The following PCDH15 variants were observed in gnomAD, a reference collection of about 807,000 sequenced individuals.
The protein encoded by PCDH15 is protocadherin related 15.
A neutral mutation model predicts 178.5 loss-of-function variants in PCDH15; 129 were observed. That is an observed-to-expected ratio of 0.72 (90% confidence interval 0.63 to 0.84). The LOEUF is 0.84. Ranked by LOEUF, PCDH15 falls within the 40% of genes least tolerant of loss-of-function variation. The pLI, the probability that PCDH15 is intolerant of heterozygous loss-of-function variation, is 0.00. For missense variants in PCDH15, 2,230 were observed against 2,099.9 expected (o/e 1.06, Z -1.21); for synonymous variants, 800 against 732.0 (o/e 1.09, Z -1.50).
At chr10:54,775,946 T>A (rs1050912573) in intron 1 of PCDH15, among the ~76,000 whole-genome samples, 1 of 152,134 alleles carries the variant, frequency 6.6e-6, no homozygotes, top group Non-Finnish European at 1.5e-5. Flanking sequence ...CCCTCTAACC[T>A]TTCCAGCCTG....
chr10:54,775,518 G>T (rs1949590253), intron 1 of PCDH15, among the ~76,000 whole-genome samples: 1 of 152,074 alleles, frequency 6.6e-6, no homozygotes, highest in African/African-American at 2.4e-5. Flanking sequence ...TTTAAAAATA[G>T]ATATTATTGT....
chr10:55,520,976 C>T (rs956202097), intron 2 of PCDH15, among the ~76,000 whole-genome samples: 3 of 151,850 alleles, frequency 2.0e-5, no homozygotes, highest in Non-Finnish European at 4.4e-5. Context: ...AAGATCTACT[C>T]TCAGCAAATT....
intron 26 of PCDH15, among the ~76,000 whole-genome samples, chr10:53,888,664 G>GAT (rs59914675): frequency 0.049 from 825 of 16,858 alleles, 61 homozygotes; most frequent in Non-Finnish European, 0.1. Flanking sequence ...AGTTAAGTTT[G>GAT]ATATATATAT....
chr10:55,188,279 C>T (rs1219916375), intron 1 of PCDH15, among the ~76,000 whole-genome samples: 4 of 151,626 alleles, frequency 2.6e-5, no homozygotes, highest in South Asian at 2.1e-4. Context: ...AATTTTCTCA[C>T]GCTTTCTATT....
chr10:53,938,824 G>A lies in PCDH15; in HGVS notation c.3364C>T (p.Pro1122Ser). 5.0e-6 allele frequency: 8 copies of A among 1,613,018 alleles called. No individual in the cohort carries two copies. The highest frequency in any genetic ancestry group is 6.8e-6 in the Non-Finnish European group (8 of 1,179,522). The change falls in exon 25 of 38, where the codon CCT becomes TCT. Residue 1122 changes from proline to serine, a missense_variant. Transcript: ENST00000644397. ...LEVVLANLRV[P>S]SKSNTAKVYI... ...AAGTAGTATAACTTACTTTTTGAAGGAACTCGGAGATTGGCAAGGACCACT... is the reference window on the plus strand; with the variant it reads ...AAGTAGTATAACTTACTTTTTGAAGAAACTCGGAGATTGGCAAGGACCACT...
intron 21 of PCDH15, among the ~76,000 whole-genome samples, chr10:53,972,327 T>C (rs1425156658): frequency 6.6e-6 from 1 of 151,872 alleles, no homozygotes. Flanking sequence ...CCTAAAACCA[T>C]AAAAACTCTA....
chr10:55,023,398 A>C (rs1382912475), intron 2 of PCDH15, among the ~76,000 whole-genome samples: 2 of 152,260 alleles, frequency 1.3e-5, no homozygotes, highest in African/African-American at 4.8e-5. Context: ...GTAGAAAAAC[A>C]TTTTAATATT....
chr10:55,206,610 A>T (rs1840410098), intron 1 of PCDH15, among the ~76,000 whole-genome samples: 3 of 152,160 alleles, frequency 2.0e-5, no homozygotes, highest in Admixed American at 2.0e-4. Flanking sequence ...TTAACATCAC[A>T]TAATGCTATA....
At chr10:55,333,247 C>T (rs1001583700) in intron 2 of PCDH15, among the ~76,000 whole-genome samples, 12 of 152,030 alleles carry the variant, frequency 7.9e-5, no homozygotes, top group Non-Finnish European at 1.5e-4. Flanking sequence ...TTTCTATAAA[C>T]AAACAAATGA....
At chr10:54,493,201 G>A (rs912972656) in intron 3 of PCDH15, among the ~76,000 whole-genome samples, 1 of 152,010 alleles carries the variant, frequency 6.6e-6, no homozygotes, top group African/African-American at 2.4e-5. Flanking sequence ...TAGGAAAAAT[G>A]TAGTATAAAT....
At chr10:55,270,055 G>C (rs1472205676) in intron 1 of PCDH15, among the ~76,000 whole-genome samples, 1 of 152,106 alleles carries the variant, frequency 6.6e-6, no homozygotes, top group African/African-American at 2.4e-5. Flanking sequence ...TCAATAAATG[G>C]TCCTGGGTTA....
At chr10:55,154,637 C>T (rs778665034) in intron 2 of PCDH15, among the ~76,000 whole-genome samples, 5 of 152,126 alleles carry the variant, frequency 3.3e-5, no homozygotes, top group Non-Finnish European at 5.9e-5. Context: ...AGGCAGCATT[C>T]AGGGATTCCC....
chr10:53,988,363 G>A (rs1015774168), intron 21 of PCDH15, among the ~76,000 whole-genome samples: 18 of 152,042 alleles, frequency 1.2e-4, no homozygotes, highest in African/African-American at 4.3e-4. Flanking sequence ...GATGGGGGAG[G>A]GTGTGGGTGC....
intron 3 of PCDH15, among the ~76,000 whole-genome samples, chr10:54,815,805 G>T (rs905447060): frequency 2.6e-5 from 4 of 152,034 alleles, no homozygotes; most frequent in African/African-American, 4.8e-5. Flanking sequence ...GATTCATCTT[G>T]CAAACAGATG....
At chr10:55,501,982 T>C (rs567529065) in intron 2 of PCDH15, among the ~76,000 whole-genome samples, 243 of 151,892 alleles carry the variant, frequency 1.6e-3, no homozygotes, top group Non-Finnish European at 2.4e-3. Flanking sequence ...TTTTTTCTTA[T>C]GTAATTTCTT....
rs114308390 is a variant in PCDH15, at chr10:55,068,317, G to A, written c.-80+98259C>T. ...GGGGTCTAGTTTTATTCTTCTGCAT[G>A]TAGTTATCCAGCTTTCCAAGATAAA... On this transcript the variant is annotated intron_variant, in intron 2 of 5. Coordinates refer to the PCDH15 transcript ENST00000458638. Among the ~76,000 whole-genome samples the A allele has an allele frequency of 6.1e-3, 934 of 152,096 alleles. 11 individuals are homozygous for A. Among genetic ancestry groups the A allele is most frequent in the African/African-American group, 0.022 (893 of 41,524 alleles).
chr10:54,642,925 T>A (rs1204716443), intron 2 of PCDH15, among the ~76,000 whole-genome samples: 2 of 152,078 alleles, frequency 1.3e-5, no homozygotes, highest in South Asian at 2.1e-4. Flanking sequence ...ATAAAATTAG[T>A]TTTGTTTTAT....
At chr10:55,065,450 C>A (rs1270346112) in intron 2 of PCDH15, among the ~76,000 whole-genome samples, 1 of 152,068 alleles carries the variant, frequency 6.6e-6, no homozygotes, top group Non-Finnish European at 1.5e-5. Context: ...AGTAAGGCAA[C>A]CTCAGCACTA....
chr10:54,043,572 AC>A (rs2093595891), intron 18 of PCDH15, among the ~76,000 whole-genome samples: 1 of 130,610 alleles, frequency 7.7e-6, no homozygotes, highest in African/African-American at 2.5e-5. Flanking sequence ...ATTTTTTTGT[AC>A]AGACAGAGAT....
Sources: gnomAD v4.1 joint callset for allele counts (sites outside exome capture counted in the v4.1 genomes callset) on GRCh38, gnomAD v4.1.1 for gene constraint, MANE v1.5 for transcripts, NCBI Gene and HGNC (gene_info 2026-07-23, HGNC 2026-07-21) for gene names.